The following KCNJ10 variants were observed in gnomAD, a reference collection of about 807,000 sequenced individuals.
The protein encoded by KCNJ10 is potassium inwardly rectifying channel subfamily J member 10, also known as ATP-sensitive inward rectifier potassium channel 10.
KCNJ10 carries 9 observed loss-of-function variants against 22.2 expected under a neutral mutation model. That is an observed-to-expected ratio of 0.40 (90% confidence interval 0.24 to 0.71). The LOEUF is 0.71. Ranked by LOEUF, KCNJ10 falls within the 30% of genes least tolerant of loss-of-function variation. The probability of loss-of-function intolerance (pLI) is 0.35; values close to 1 mark genes in which losing one functional copy is unlikely to be tolerated. For synonymous variants in KCNJ10, 184 were observed against 187.3 expected, an observed-to-expected ratio of 0.98 and a Z score of 0.15; for missense variants, 337 against 482.7, an observed-to-expected ratio of 0.70 and a Z score of 2.83.
At chr1:160,054,106 G>A (rs1648969728) in intron 1 of KCNJ10, among the ~76,000 whole-genome samples, 1 of 152,234 alleles carries the variant, frequency 6.6e-6, no homozygotes, top group Admixed American at 6.5e-5. Flanking sequence ...TCGCCGGCTG[G>A]AGAGGGAGGA....
chr1:160,064,456 A>C (rs796632629), intron 1 of KCNJ10, among the ~76,000 whole-genome samples: 5 of 152,230 alleles, frequency 3.3e-5, no homozygotes, highest in Admixed American at 6.5e-5. Context: ...CACTCTTCTT[A>C]TTAACTTTTT....
At chr1:160,053,759 G>A (rs1648958745) in intron 1 of KCNJ10, among the ~76,000 whole-genome samples, 1 of 152,090 alleles carries the variant, frequency 6.6e-6, no homozygotes, top group African/African-American at 2.4e-5. Flanking sequence ...TGGAAGAATA[G>A]GCTTTTCTTC....
At chr1:160,065,743 C>A (rs542464892) in intron 1 of KCNJ10, among the ~76,000 whole-genome samples, 143 of 152,190 alleles carry the variant, frequency 9.4e-4, no homozygotes, top group African/African-American at 3.4e-3. Context: ...TCTCTTGAAG[C>A]CTGTGATTGG....
At position 160,042,340 on chromosome 1, in the gene KCNJ10, G is replaced by A. The variant is rs387906834; in HGVS notation, c.193C>T (p.Arg65Cys). Residue 65 changes from arginine to cysteine, a missense_variant, in exon 2 of 2, where the codon CGC becomes TGC. Arg to Cys is a radical substitution (Grantham distance 180). Coordinates refer to ENST00000644903, the MANE Select transcript of KCNJ10 (RefSeq NM_002241.5). ...GCAGAGAAGAGCAGAAGCTTGTAGCGCCACTGCATGTCAATGAAGGTTGTC... is the reference window on the plus strand; with the variant it reads ...GCAGAGAAGAGCAGAAGCTTGTAGCACCACTGCATGTCAATGAAGGTTGTC... ...LWTTFIDMQW[R>C]YKLLLFSATF... 2 of 1,612,988 alleles carry A rather than the reference G, an allele frequency of 1.2e-6. No homozygotes were observed. Among genetic ancestry groups the A allele is most frequent in the South Asian group, 1.1e-5 (1 of 91,070 alleles).
chr1:160,059,234 A>G (rs903298020), intron 1 of KCNJ10, among the ~76,000 whole-genome samples: 7 of 152,182 alleles, frequency 4.6e-5, no homozygotes, highest in Non-Finnish European at 8.8e-5. Flanking sequence ...TCAACTTGCT[A>G]CTGGACTGTG....
chr1:160,061,583 G>C (rs914969534), intron 1 of KCNJ10, among the ~76,000 whole-genome samples: 1 of 152,004 alleles, frequency 6.6e-6, no homozygotes, highest in African/African-American at 2.4e-5. Flanking sequence ...CGTATAAGCA[G>C]GTGCAGTCTG....
chr1:160,067,666 C>T (rs755276187), intron 1 of KCNJ10, among the ~76,000 whole-genome samples: 3 of 152,038 alleles, frequency 2.0e-5, no homozygotes, highest in Non-Finnish European at 2.9e-5. Context: ...TTTTTTCTTC[C>T]GTCCTAAATA....
At chr1:160,050,660 G>A (rs556532745) in intron 1 of KCNJ10, among the ~76,000 whole-genome samples, 142 of 152,302 alleles carry the variant, frequency 9.3e-4, no homozygotes, top group African/African-American at 3.4e-3. Context: ...AGGGAACAGG[G>A]TTGGGAAAGA....
chr1:160,055,929 G>A (rs1445929354), intron 1 of KCNJ10, among the ~76,000 whole-genome samples: 5 of 152,240 alleles, frequency 3.3e-5, no homozygotes, highest in Middle Eastern at 3.4e-3. Flanking sequence ...ACAGGCTCCC[G>A]CTACCTGGAG....
In KCNJ10 at chr1:160,041,085, T is replaced by C; in HGVS notation, c.*308A>G. On this transcript the variant is annotated 3_prime_UTR_variant, in exon 2 of 2. Coordinates refer to ENST00000644903, the MANE Select transcript of KCNJ10 (RefSeq NM_002241.5). This position sits in a 1 kb window ranked among gnomAD's most constrained non-coding sequence, Gnocchi z 4.4. Reference sequence around the variant, plus strand: ...GTCTATCCTTCCAACCACATGGTCCTCCTAATGTGAGTATCCAAGCATGGC... The same window carrying C: ...GTCTATCCTTCCAACCACATGGTCCCCCTAATGTGAGTATCCAAGCATGGC... The C allele has an allele frequency of 2.2e-6, 1 of 449,194 alleles. No individual in the cohort carries two copies. The highest frequency in any genetic ancestry group is 4.1e-6 in the Non-Finnish European group (1 of 243,194). 27.8% of individuals were successfully genotyped at this position (449,194 alleles called of 1,614,324 possible).
chr1:160,068,972 G>GA (rs1416671194), intron 1 of KCNJ10, among the ~76,000 whole-genome samples: 3 of 151,980 alleles, frequency 2.0e-5, no homozygotes, highest in Admixed American at 2.0e-4. Flanking sequence ...CCAGTGGGGA[G>GA]AAAAAAAATT....
rs1006309158 is a variant in KCNJ10, at chr1:160,039,795, C to T, written c.*1598G>A. 6 of 152,320 alleles carry T rather than the reference C, an allele frequency of 3.9e-5. No individual in the cohort carries two copies. The highest frequency in any genetic ancestry group is 1.4e-4 in the African/African-American group (6 of 41,564). The allele number at this position is 152,320 out of a possible 1,614,324, so 9.4% of individuals were successfully genotyped here. On this transcript the variant is annotated 3_prime_UTR_variant, in exon 2 of 2. Coordinates refer to ENST00000644903, the MANE Select transcript of KCNJ10 (RefSeq NM_002241.5). The stretch of plus-strand genomic sequence containing the variant: ...AACAATTGGCTGAGACCACCTTAAA[C>T]TGCAACTTGACTTATAGTGGGACTA...
Position 160,039,833 on chromosome 1 carries a change from A to G in KCNJ10, c.*1560T>C, listed in dbSNP as rs954255511. 2 of 152,248 alleles carry G rather than the reference A, an allele frequency of 1.3e-5. No individual in the cohort carries two copies. The highest frequency in any genetic ancestry group is 2.4e-5 in the African/African-American group (1 of 41,440). The allele number at this position is 152,248 out of a possible 1,614,324, so 9.4% of individuals were successfully genotyped here. The stretch of plus-strand genomic sequence containing the variant: ...TATAGTGGGACTATGCAGTACCACT[A>G]TGTGAGGCTTCCTTGGTACCAAAGT... On this transcript the variant is annotated 3_prime_UTR_variant, in exon 2 of 2. Transcript: ENST00000644903.
In KCNJ10 at chr1:160,040,442, T is replaced by C; in HGVS notation, c.*951A>G. The C allele has an allele frequency of 2.5e-6, 1 of 398,364 alleles. No homozygotes were observed. Among genetic ancestry groups the C allele is most frequent in the Non-Finnish European group, 4.4e-6 (1 of 225,904 alleles). The allele number at this position is 398,364 out of a possible 1,614,324, so 24.7% of individuals were successfully genotyped here. ...GGGGTTAAGGAAGAAGGATCTAGGC[T>C]GAGCAGGAAAGGAAGAAGAGAAGCC... On this transcript the variant is annotated 3_prime_UTR_variant, in exon 2 of 2. Transcript: ENST00000644903.
chr1:160,043,547 T>C (rs898636615), intron 1 of KCNJ10, among the ~76,000 whole-genome samples: 3 of 152,162 alleles, frequency 2.0e-5, no homozygotes, highest in Non-Finnish European at 4.4e-5. Flanking sequence ...AGAGTACAGA[T>C]GGGACTTGAA....
intron 1 of KCNJ10, among the ~76,000 whole-genome samples, chr1:160,055,435 G>A (rs1201330): frequency 0.46 from 70,562 of 151,880 alleles, 16,531 homozygotes; most frequent in Non-Finnish European, 0.48. Flanking sequence ...TGACTGACCG[G>A]TCTGTTCTTA....
intron 1 of KCNJ10, 103 bp from the exon 2 acceptor site, chr1:160,042,635 C>A: frequency 9.9e-7 from 1 of 1,013,912 alleles, no homozygotes; most frequent in Non-Finnish European, 1.5e-6. Flanking sequence ...TTGAATGTCG[C>A]TTATGTGTTC....
Position 160,040,917 on chromosome 1 carries a change from T to G in KCNJ10, c.*476A>C. 1 of 305,280 alleles carries G rather than the reference T, an allele frequency of 3.3e-6. No homozygotes were observed. The highest frequency in any genetic ancestry group is 6.1e-6 in the Non-Finnish European group (1 of 165,150). 18.9% of individuals were successfully genotyped at this position (305,280 alleles called of 1,614,324 possible). On this transcript the variant is annotated 3_prime_UTR_variant, in exon 2 of 2. Coordinates refer to ENST00000644903, the MANE Select transcript of KCNJ10 (RefSeq NM_002241.5). The stretch of plus-strand genomic sequence containing the variant: ...AACCCTAGGATATGTTGATATCAGA[T>G]TCCTGTATTTCTGAAAGCACAGACC...
chr1:160,047,142 G>A (rs1648760482), intron 1 of KCNJ10, among the ~76,000 whole-genome samples: 1 of 152,086 alleles, frequency 6.6e-6, no homozygotes, highest in Admixed American at 6.5e-5. Flanking sequence ...TATTTTACTT[G>A]AGAGTCATTT....
Sources: gnomAD v4.1 joint callset for allele counts (sites outside exome capture counted in the v4.1 genomes callset) on GRCh38, gnomAD v4.1.1 for gene constraint, Gnocchi (gnomAD v3.1) non-coding constraint, MANE v1.5 for transcripts, NCBI Gene and HGNC (gene_info 2026-07-23, HGNC 2026-07-21) for gene names.